The following OR3A2 variants were observed in gnomAD, a reference collection of about 807,000 sequenced individuals.
OR3A2 encodes olfactory receptor family 3 subfamily A member 2.
For synonymous variants in OR3A2, 126 were observed against 159.3 expected, an observed-to-expected ratio of 0.79 and a Z score of 1.57; for missense variants, 318 against 392.8, an observed-to-expected ratio of 0.81 and a Z score of 1.61.
At chr17:3,361,185 G>C (rs1446171727) in intron 2 of OR3A2, among the ~76,000 whole-genome samples, 1 of 149,208 alleles carries the variant, frequency 6.7e-6, no homozygotes, top group East Asian at 1.9e-4. Context: ...AAGCAATTGT[G>C]AATGGGAGTT....
intron 1 of OR3A2, among the ~76,000 whole-genome samples, chr17:3,283,208 T>C (rs2048787934): frequency 6.6e-6 from 1 of 152,174 alleles, no homozygotes; most frequent in African/African-American, 2.4e-5. Flanking sequence ...ACTTTACACA[T>C]AGGTACCCAA....
Position 3,296,816 on chromosome 17 carries a change from C to T in OR3A2, c.-84-17663G>A, listed in dbSNP as rs79671845. On this transcript the variant is annotated intron_variant, in intron 3 of 4. Coordinates refer to the OR3A2 transcript ENST00000573491. ...CAAAAAGGGACTCCATTCCATTACA[C>T]TACCACCAACATTCCGCCATCCCCA... Among the ~76,000 whole-genome samples, 227 of 152,348 alleles carry T rather than the reference C, an allele frequency of 1.5e-3. 1 individual carries two copies. Among genetic ancestry groups the T allele is most frequent in the Non-Finnish European group, 2.5e-3 (169 of 68,042 alleles).
chr17:3,341,759 G>T (rs1294783981), intron 2 of OR3A2, among the ~76,000 whole-genome samples: 2 of 152,134 alleles, frequency 1.3e-5, no homozygotes, highest in African/African-American at 2.4e-5. Context: ...TGCTCTTCTG[G>T]AGGAGTATCT....
chr17:3,319,863 T>A (rs1320278845), intron 3 of OR3A2, among the ~76,000 whole-genome samples: 1 of 152,246 alleles, frequency 6.6e-6, no homozygotes, highest in African/African-American at 2.4e-5. Context: ...TATAGCAGCA[T>A]GATTTATAAT....
chr17:3,384,271 A>G (rs898104137), intron 1 of OR3A2, among the ~76,000 whole-genome samples: 1 of 152,210 alleles, frequency 6.6e-6, no homozygotes, highest in Non-Finnish European at 1.5e-5. Context: ...AAATGAGTAC[A>G]TTGTTTCTGA....
At chr17:3,279,358 C>G (rs1388064264) in intron 1 of OR3A2, among the ~76,000 whole-genome samples, 1 of 152,176 alleles carries the variant, frequency 6.6e-6, no homozygotes, top group Non-Finnish European at 1.5e-5. Flanking sequence ...TAGACAAAAA[C>G]TTTGTTTTAA....
At chr17:3,379,178 A>G (rs1481574026) in intron 2 of OR3A2, among the ~76,000 whole-genome samples, 2 of 152,194 alleles carry the variant, frequency 1.3e-5, no homozygotes, top group African/African-American at 2.4e-5. Flanking sequence ...TCAGTTCCAC[A>G]AGAACTAAAA....
At chr17:3,383,991 A>G (rs1204140771) in intron 1 of OR3A2, 1 of 40,560 alleles carries the variant, frequency 2.5e-5, no homozygotes, top group Admixed American at 3.0e-4. Flanking sequence ...TAAATATTGT[A>G]TACAATATTT....
intron 2 of OR3A2, among the ~76,000 whole-genome samples, chr17:3,343,361 C>T (rs957395834): frequency 6.6e-6 from 1 of 152,164 alleles, no homozygotes; most frequent in Admixed American, 6.5e-5. Flanking sequence ...AAGCTGTAGA[C>T]CAGAGCTGTT....
intron 3 of OR3A2, 109 bp downstream of exon 2, chr17:3,335,920 A>G (rs1342800572): frequency 6.6e-6 from 1 of 152,254 alleles, no homozygotes; most frequent in Non-Finnish European, 1.5e-5. Context: ...CAGATCAGCC[A>G]AACAACTGAC....
chr17:3,332,296 G>T (rs1034823775), intron 3 of OR3A2, among the ~76,000 whole-genome samples: 2 of 152,166 alleles, frequency 1.3e-5, no homozygotes, highest in African/African-American at 2.4e-5. Flanking sequence ...AATGGCGGGC[G>T]CCCCTCCCCC....
chr17:3,360,454 G>A (rs547249742), intron 2 of OR3A2, among the ~76,000 whole-genome samples: 1 of 151,706 alleles, frequency 6.6e-6, no homozygotes, highest in South Asian at 2.1e-4. Flanking sequence ...GGCTTTTGTT[G>A]CCATTGCTTT....
intron 1 of OR3A2, among the ~76,000 whole-genome samples, chr17:3,385,062 C>T (rs1011708461): frequency 2.0e-5 from 3 of 152,194 alleles, no homozygotes; most frequent in East Asian, 1.9e-4. Context: ...GGCGTGGTGG[C>T]GCATGCCTGT....
chr17:3,307,248 A>G (rs2049006765), intron 3 of OR3A2, among the ~76,000 whole-genome samples: 1 of 152,372 alleles, frequency 6.6e-6, no homozygotes, highest in Middle Eastern at 3.4e-3. Context: ...TCCCTTCCTT[A>G]ACATTGTGTC....
chr17:3,348,970 C>T (rs575624285), intron 2 of OR3A2, among the ~76,000 whole-genome samples: 1 of 152,144 alleles, frequency 6.6e-6, no homozygotes, highest in African/African-American at 2.4e-5. Context: ...ACTTTACAGA[C>T]AAGCAAATGC....
chr17:3,311,039 G>A lies in OR3A2; in HGVS notation c.-85+24994C>T, dbSNP rs779114406. 10 of 546,224 alleles carry A rather than the reference G, an allele frequency of 1.8e-5. No individual in the cohort carries two copies. Among genetic ancestry groups the A allele is most frequent in the African/African-American group, 1.2e-4 (6 of 52,100 alleles). 33.8% of individuals were successfully genotyped at this position (546,224 alleles called of 1,614,324 possible). On this transcript the variant is annotated intron_variant, in intron 3 of 4. Transcript: ENST00000573491. This position sits in a 1 kb window ranked among gnomAD's most constrained non-coding sequence, Gnocchi z 4.6. ...AGGGCAGAAAGAAAGCCTTCTCCAC[G>A]TGTAGTTCCCACCTCACTGTGGTGG...
At chr17:3,322,259 C>T (rs2049130480) in intron 3 of OR3A2, among the ~76,000 whole-genome samples, 1 of 151,942 alleles carries the variant, frequency 6.6e-6, no homozygotes, top group African/African-American at 2.4e-5. Flanking sequence ...TGATTCTTCT[C>T]TCTTTTCTTC....
intron 1 of OR3A2, among the ~76,000 whole-genome samples, chr17:3,281,094 C>G (rs370764283): frequency 3.3e-5 from 5 of 152,280 alleles, no homozygotes; most frequent in East Asian, 1.9e-4. Context: ...TACTCACAAT[C>G]CTGGAACAAG....
chr17:3,320,757 T>C (rs1404303795), intron 3 of OR3A2, among the ~76,000 whole-genome samples: 6 of 152,142 alleles, frequency 3.9e-5, no homozygotes, highest in Non-Finnish European at 5.9e-5. Flanking sequence ...TTGGTACTAG[T>C]ACCATGCTGT....
Sources: gnomAD v4.1 joint callset for allele counts (sites outside exome capture counted in the v4.1 genomes callset) on GRCh38, gnomAD v4.1.1 for gene constraint, Gnocchi (gnomAD v3.1) non-coding constraint, MANE v1.5 for transcripts, NCBI Gene and HGNC (gene_info 2026-07-23, HGNC 2026-07-21) for gene names.